DHX37: variants seen among roughly 807,000 people sequenced by gnomAD.
DHX37 encodes DEAH-box helicase 37.
DHX37 carries 52 observed loss-of-function variants against 134.3 expected under a neutral mutation model. The observed-to-expected ratio is 0.39, with a 90% CI of 0.31 to 0.49. The LOEUF is 0.49. Among genes scored for constraint, DHX37 ranks in the 20% least tolerant of loss-of-function variants. The probability of loss-of-function intolerance (pLI) is 0.93; values close to 1 mark genes in which losing one functional copy is unlikely to be tolerated. For missense variants in DHX37, 1,344 were observed against 1,580.8 expected, an observed-to-expected ratio of 0.85 and a Z score of 2.54; for synonymous variants, 634 against 670.7, an observed-to-expected ratio of 0.95 and a Z score of 0.85.
rs1352045178 is a variant in DHX37, at chr12:124,962,115, C to T, written c.2046-1692G>A. 2.7e-5 allele frequency among the ~76,000 whole-genome samples: 4 copies of T among 150,666 alleles called. No homozygotes were observed. The East Asian group carries it at 6.0e-4, about 22-fold the overall frequency. ...CCCAGCTACTTGGGAGGCTGAGGCA[C>T]GAAGACTGCTTGAGCCCAGGAGGCG... On this transcript the variant is annotated intron_variant, in intron 15 of 26. Transcript: ENST00000308736.
intron 5 of DHX37, 92 bp downstream of exon 5, chr12:124,977,250 T>G: frequency 7.1e-7 from 1 of 1,404,894 alleles, no homozygotes; most frequent in East Asian, 2.5e-5. Flanking sequence ...GATCCAGGAT[T>G]GGATCCTGGG....
At position 124,961,201 on chromosome 12, in the gene DHX37, T is replaced by C. The variant is rs567815245; in HGVS notation, c.2046-778A>G. On this transcript the variant is annotated intron_variant, in intron 15 of 26. Coordinates refer to ENST00000308736, the MANE Select transcript of DHX37 (RefSeq NM_032656.4). The stretch of plus-strand genomic sequence containing the variant: ...GCATGCGCGCACGCACACACACACA[T>C]ACACGTGTGCACGCACGCACACGCA... Among the ~76,000 whole-genome samples, 199 of 57,874 alleles carry C rather than the reference T, an allele frequency of 3.4e-3. 1 individual carries two copies. Among genetic ancestry groups the C allele is most frequent in the Middle Eastern group, 0.013 (1 of 76 alleles). 38.0% of individuals were successfully genotyped at this position (57,874 alleles called of 152,430 possible).
intron 1 of DHX37, among the ~76,000 whole-genome samples, chr12:124,988,686 C>G: frequency 6.6e-6 from 1 of 152,048 alleles, no homozygotes; most frequent in South Asian, 2.1e-4. Context: ...GCCAAATTCT[C>G]CATGTTACTA....
intron 23 of DHX37, 28 bp from the exon 24 acceptor site, chr12:124,950,271 G>C (rs1379766948): frequency 1.2e-6 from 2 of 1,612,450 alleles, no homozygotes; most frequent in Non-Finnish European, 1.7e-6. Flanking sequence ...GTGAGACAGG[G>C]ACCCTCCTGC....
At chr12:124,956,405 G>A (rs1175304378) in intron 18 of DHX37, among the ~76,000 whole-genome samples, 3 of 152,238 alleles carry the variant, frequency 2.0e-5, no homozygotes, top group African/African-American at 7.2e-5. Flanking sequence ...GAATTAGCAT[G>A]TAGTCATAAT....
chr12:124,982,595 T>A lies in DHX37; in HGVS notation c.305A>T (p.Glu102Val), dbSNP rs1954780506. Residue 102 changes from glutamate (E) to valine (V), a missense_variant, in exon 3 of 27, where the codon GAA (glutamate) becomes GTA (valine). Physicochemically the swap from Glu to Val is moderately radical, Grantham distance 121. Coordinates refer to ENST00000308736, the MANE Select transcript of DHX37 (RefSeq NM_032656.4). ...QRAEMLQKLS[E>V]VQASEAEMRL... The stretch of plus-strand genomic sequence containing the variant: ...CATCTCAGCTTCGGAAGCCTGGACT[T>A]CACTCAGCTTCTGTAGCATCTCTGC... 1.9e-6 allele frequency: 3 copies of A among 1,613,626 alleles called. No homozygotes were observed. The highest frequency in any genetic ancestry group is 2.5e-6 in the Non-Finnish European group (3 of 1,179,758).
intron 10 of DHX37, among the ~76,000 whole-genome samples, chr12:124,968,131 G>T (rs1442297440): frequency 1.3e-5 from 2 of 152,070 alleles, no homozygotes; most frequent in South Asian, 2.1e-4. Context: ...ACACAGAAAG[G>T]TCACATCCAT....
At chr12:124,979,079 T>C (rs1954704688) in intron 4 of DHX37, among the ~76,000 whole-genome samples, 1 of 152,016 alleles carries the variant, frequency 6.6e-6, no homozygotes, top group Non-Finnish European at 1.5e-5. Flanking sequence ...AGGCTAGTCA[T>C]GTGCTCATGC....
At position 124,971,208 on chromosome 12, in the gene DHX37, T is replaced by C. The variant is rs561841793; in HGVS notation, c.1191+94A>G. On this transcript the variant is annotated intron_variant, in intron 8 of 26. Coordinates refer to ENST00000308736, the MANE Select transcript of DHX37 (RefSeq NM_032656.4). ...ACCTGCTCATGGCAGCAGCCCAGGG[T>C]ACAACGGGGAACAGGTGAAGGAAGC... 599 of 1,524,230 alleles carry C rather than the reference T, an allele frequency of 3.9e-4. 6 individuals are homozygous for C. In the South Asian group the frequency reaches 6.8e-3, roughly 17 times the overall value. The allele number at this position is 1,524,230 out of a possible 1,614,324, so 94.4% of individuals were successfully genotyped here.
intron 16 of DHX37, 72 bp from the exon 17 acceptor site, chr12:124,957,207 T>A: frequency 7.5e-7 from 1 of 1,342,038 alleles, no homozygotes; most frequent in East Asian, 2.7e-5. Flanking sequence ...GCTCCGTCTG[T>A]GGCAGGCACT....
At chr12:124,961,186 A>G (rs1448210403) in intron 15 of DHX37, among the ~76,000 whole-genome samples, 4 of 23,702 alleles carry the variant, frequency 1.7e-4, no homozygotes, top group Non-Finnish European at 6.3e-4. Flanking sequence ...GCATGCGCGC[A>G]CGCACACACA....
chr12:124,980,896 GACTCCAAGGCCAT>G lies in DHX37; in HGVS notation c.390-71_390-59del, dbSNP rs932898869. On this transcript the variant is annotated intron_variant, in intron 3 of 26. Transcript: ENST00000308736. This position sits in a 1 kb window ranked among gnomAD's most constrained non-coding sequence, Gnocchi z 5.3. ...GCCCCACCTCAATCCCAGAGGTCAGGACTCCAAGGCCATACCCCTTTCTGCCTCAGGGACTTTG... is the reference window on the plus strand; with the variant it reads ...GCCCCACCTCAATCCCAGAGGTCAGGACCCCTTTCTGCCTCAGGGACTTTG... 1.9e-5 allele frequency: 29 copies of G among 1,523,192 alleles called. No homozygotes were observed. In the African/African-American group the frequency reaches 3.9e-4, roughly 20 times the overall value. The allele number at this position is 1,523,192 out of a possible 1,614,324, so 94.4% of individuals were successfully genotyped here.
intron 20 of DHX37, chr12:124,953,624 A>C: frequency 1.9e-6 from 1 of 533,500 alleles, no homozygotes. Flanking sequence ...GGGTATCGCC[A>C]GGGAAAAGGT....
intron 18 of DHX37, among the ~76,000 whole-genome samples, chr12:124,955,038 T>C (rs56184497): frequency 0.27 from 40,380 of 152,148 alleles, 7,137 homozygotes; most frequent in African/African-American, 0.51. Flanking sequence ...GCCTTGACAC[T>C]AGCATCACGT....
chr12:124,969,001 C>T (rs771310383), intron 8 of DHX37, 33 bp from the exon 9 acceptor site: 1 of 1,599,622 alleles, frequency 6.3e-7, no homozygotes, highest in Non-Finnish European at 8.5e-7. Flanking sequence ...ACCGTGGCCC[C>T]AGGACCGCAG....
intron 18 of DHX37, 39 bp from the exon 19 acceptor site, chr12:124,954,250 G>T: frequency 6.5e-7 from 1 of 1,529,360 alleles, no homozygotes; most frequent in Non-Finnish European, 8.8e-7. Context: ...CTGGGGCCTC[G>T]GCTGCGCTCA....
chr12:124,975,477 G>T lies in DHX37; in HGVS notation c.922C>A (p.Arg308=). ...DSIIGVTEPR[R]VAAVAMSQRV... The stretch of plus-strand genomic sequence containing the variant: ...TGGGACATGGCCACGGCGGCCACTC[G>T]GCGGGGCTCCGTGACACCGATGATG... The change falls in exon 6 of 27, where the codon CGA becomes AGA. Residue 308 remains arginine (R), a synonymous_variant. Coordinates refer to ENST00000308736, the MANE Select transcript of DHX37 (RefSeq NM_032656.4). 6.2e-7 allele frequency: 1 copy of T among 1,612,796 alleles called. No individual in the cohort carries two copies. The highest frequency in any genetic ancestry group is 8.5e-7 in the Non-Finnish European group (1 of 1,180,012).
chr12:124,988,335 C>T (rs1271358441), intron 1 of DHX37, among the ~76,000 whole-genome samples: 1 of 152,144 alleles, frequency 6.6e-6, no homozygotes, highest in East Asian at 1.9e-4. Flanking sequence ...TCCAGCAACT[C>T]TATGGGATGC....
chr12:124,973,631 C>G (rs1224195648), intron 6 of DHX37, among the ~76,000 whole-genome samples: 2 of 124,744 alleles, frequency 1.6e-5, no homozygotes, highest in Non-Finnish European at 3.3e-5. Context: ...ATGCGCCCCC[C>G]CCAACGCTTT....
Sources: gnomAD v4.1 joint callset for allele counts (sites outside exome capture counted in the v4.1 genomes callset) on GRCh38, gnomAD v4.1.1 for gene constraint, Gnocchi (gnomAD v3.1) non-coding constraint, MANE v1.5 for transcripts, NCBI Gene and HGNC (gene_info 2026-07-23, HGNC 2026-07-21) for gene names.